Variants in PIP5K1B observed in about 807,000 individuals in gnomAD.
PIP5K1B encodes the protein phosphatidylinositol-4-phosphate 5-kinase type 1 beta.
Under a neutral mutation model 67.0 loss-of-function variants are expected in PIP5K1B, and 42 were observed. The observed-to-expected ratio is 0.63, with a 90% CI of 0.49 to 0.81. The LOEUF is 0.81. Ranked by LOEUF, PIP5K1B falls within the 30% of genes least tolerant of loss-of-function variation. The pLI, the probability that PIP5K1B is intolerant of heterozygous loss-of-function variation, is 0.00. For missense variants in PIP5K1B, 459 were observed against 646.3 expected (o/e 0.71, Z 3.14); for synonymous variants, 214 against 231.4 (o/e 0.92, Z 0.68).
At chr9:68,932,982 C>G (rs946758325) in intron 12 of PIP5K1B, among the ~76,000 whole-genome samples, 4 of 151,984 alleles carry the variant, frequency 2.6e-5, no homozygotes, top group African/African-American at 9.7e-5. Flanking sequence ...TGCCTGTAAT[C>G]CCAGCTACTC....
chr9:69,008,407 C>T, intron 15 of PIP5K1B, 40 bp from the exon 16 acceptor site: 1 of 1,609,854 alleles, frequency 6.2e-7, no homozygotes, highest in Non-Finnish European at 8.5e-7. Context: ...CAAATTGATG[C>T]CAAAATCTAG....
chr9:68,854,427 G>GA (rs1213378647), intron 4 of PIP5K1B, among the ~76,000 whole-genome samples: 2 of 152,120 alleles, frequency 1.3e-5, no homozygotes, highest in Non-Finnish European at 2.9e-5. Context: ...ACCATACCTG[G>GA]ACAGGACCTT....
At position 68,902,134 on chromosome 9, in the gene PIP5K1B, A is replaced by T. The variant is rs139060459; in HGVS notation, c.771+7496A>T. Among the ~76,000 whole-genome samples, 346 of 152,282 alleles carry T rather than the reference A, an allele frequency of 2.3e-3. 2 individuals carry two copies. The highest frequency in any genetic ancestry group is 8.0e-3 in the African/African-American group (334 of 41,564). ...TTCAGATTTCACCAGTTTTACATGC[A>T]CATGTGTGGTGGGGGAGGTTCTGTG... On this transcript the variant is annotated intron_variant, in intron 8 of 15. Coordinates refer to ENST00000265382, the MANE Select transcript of PIP5K1B (RefSeq NM_003558.4).
At chr9:68,876,853 A>G in intron 6 of PIP5K1B, 59 bp downstream of exon 6, 1 of 868,322 alleles carries the variant, frequency 1.2e-6, no homozygotes, top group African/African-American at 1.7e-5. Context: ...CATTTGTCTC[A>G]TAGCAACAGC....
intron 15 of PIP5K1B, among the ~76,000 whole-genome samples, chr9:69,007,869 A>G (rs541054351): frequency 1.4e-4 from 21 of 152,094 alleles, no homozygotes; most frequent in Non-Finnish European, 2.2e-4. Flanking sequence ...AAAAAAAAAA[A>G]TAGGAAATCA....
chr9:68,717,453 C>G (rs574588817), intron 1 of PIP5K1B, among the ~76,000 whole-genome samples: 5 of 152,232 alleles, frequency 3.3e-5, no homozygotes, highest in South Asian at 2.1e-4. Context: ...AACAAAGTGT[C>G]AAAAACTGGG....
chr9:68,717,488 T>C (rs1389960518), intron 1 of PIP5K1B, among the ~76,000 whole-genome samples: 4 of 152,216 alleles, frequency 2.6e-5, no homozygotes, highest in African/African-American at 9.7e-5. Flanking sequence ...AAACAGTTTA[T>C]TTCTCATAGT....
chr9:68,984,165 A>G (rs1028612809), intron 14 of PIP5K1B, among the ~76,000 whole-genome samples: 3 of 152,250 alleles, frequency 2.0e-5, no homozygotes, highest in African/African-American at 7.2e-5. Context: ...CATATGGGAA[A>G]CTGGAGCTCT....
At chr9:68,816,233 A>G (rs1833439947) in intron 2 of PIP5K1B, among the ~76,000 whole-genome samples, 2 of 152,038 alleles carry the variant, frequency 1.3e-5, no homozygotes, top group South Asian at 2.1e-4. Flanking sequence ...GGTTCAAGCA[A>G]TTCTCCTGCC....
intron 2 of PIP5K1B, among the ~76,000 whole-genome samples, chr9:68,806,942 GTTT>G (rs10550941): frequency 1.8e-3 from 235 of 130,486 alleles, no homozygotes; most frequent in South Asian, 5.8e-3. Context: ...TTTGGCCTTG[GTTT>G]TTTTTTTTTT....
intron 14 of PIP5K1B, among the ~76,000 whole-genome samples, chr9:68,977,448 G>A (rs569254700): frequency 1.4e-3 from 216 of 152,212 alleles, no homozygotes; most frequent in African/African-American, 5.0e-3. Flanking sequence ...GCTTGAACCC[G>A]GGAGGCAGAG....
In PIP5K1B at chr9:68,822,709, G is replaced by C. The variant is rs772151290; in HGVS notation, c.69+26G>C. ...GTGAGTGTGCATTTTATTTTCTAAA[G>C]AGGAACACCGTTTTGCTGTTTGGCA... is the stretch of plus-strand genomic sequence containing the variant. On this transcript the variant is annotated intron_variant, in intron 4 of 15. Coordinates refer to ENST00000265382, the MANE Select transcript of PIP5K1B (RefSeq NM_003558.4). 8 of 1,513,292 alleles carry C rather than the reference G, an allele frequency of 5.3e-6. No individual in the cohort carries two copies. The South Asian group carries it at 7.9e-5, about 15-fold the overall frequency. 93.7% of individuals were successfully genotyped at this position (1,513,292 alleles called of 1,614,324 possible).
chr9:68,971,683 C>T (rs1351616856), intron 14 of PIP5K1B, among the ~76,000 whole-genome samples: 3 of 152,218 alleles, frequency 2.0e-5, no homozygotes, highest in Admixed American at 2.0e-4. Flanking sequence ...TAATGATCGC[C>T]ATTCTAACTG....
At chr9:68,832,883 T>C (rs555861619) in intron 4 of PIP5K1B, among the ~76,000 whole-genome samples, 2 of 152,360 alleles carry the variant, frequency 1.3e-5, no homozygotes, top group African/African-American at 4.8e-5. Context: ...AGCACAGGGC[T>C]GAAATGTAGA....
intron 1 of PIP5K1B, among the ~76,000 whole-genome samples, chr9:68,732,129 T>C (rs1828467634): frequency 6.6e-6 from 1 of 152,228 alleles, no homozygotes; most frequent in African/African-American, 2.4e-5. Flanking sequence ...GATGTTGGAA[T>C]AGGGAGGTGG....
intron 7 of PIP5K1B, among the ~76,000 whole-genome samples, chr9:68,893,998 A>G (rs375970620): frequency 1.4e-4 from 21 of 152,258 alleles, no homozygotes; most frequent in African/African-American, 3.1e-4. Flanking sequence ...TTAAATGTTC[A>G]TCCCTCATAC....
chr9:68,829,653 G>A lies in PIP5K1B; in HGVS notation c.69+6970G>A, dbSNP rs139680052. On this transcript the variant is annotated intron_variant, in intron 4 of 15. Transcript: ENST00000265382. Reference sequence around the variant, plus strand: ...TCAAACTACCCTTTTTAAGAGGAGGGCGGATGTGAGTCCAGCTCTTCCAGA... The same window carrying A: ...TCAAACTACCCTTTTTAAGAGGAGGACGGATGTGAGTCCAGCTCTTCCAGA... 2.9e-3 allele frequency among the ~76,000 whole-genome samples: 438 copies of A among 152,300 alleles called. 1 individual carries two copies. The highest frequency in any genetic ancestry group is 9.9e-3 in the African/African-American group (413 of 41,552).
intron 6 of PIP5K1B, among the ~76,000 whole-genome samples, chr9:68,887,933 G>A (rs147787025): frequency 2.3e-4 from 35 of 151,414 alleles, no homozygotes; most frequent in Non-Finnish European, 4.7e-4. Flanking sequence ...CACTGCTCAA[G>A]CTCTCCTACC....
At chr9:68,956,425 T>C (rs1327513646) in intron 14 of PIP5K1B, among the ~76,000 whole-genome samples, 1 of 152,150 alleles carries the variant, frequency 6.6e-6, no homozygotes, top group Non-Finnish European at 1.5e-5. Flanking sequence ...GCCAAAATCG[T>C]GCCACTGCAC....
Sources: allele counts gnomAD v4.1 joint callset (sites outside exome capture counted in the v4.1 genomes callset), GRCh38; gene constraint gnomAD v4.1.1; transcripts MANE v1.5; gene names NCBI Gene and HGNC (gene_info 2026-07-23, HGNC 2026-07-21).